The following SVEP1 variants were observed in gnomAD, a reference collection of about 807,000 sequenced individuals.
The protein encoded by SVEP1 is sushi, von Willebrand factor type A, EGF and pentraxin domain-containing protein 1.
In SVEP1, 164 loss-of-function variants were observed where a neutral mutation model predicts 367.3. That is an observed-to-expected ratio of 0.45 (90% confidence interval 0.39 to 0.51). SVEP1 has a LOEUF of 0.51. Ranked by LOEUF, SVEP1 falls within the 20% of genes least tolerant of loss-of-function variation. The pLI is 0.00. For missense variants in SVEP1, 4,117 were observed against 4,425.3 expected (o/e 0.93, Z 1.98); for synonymous variants, 1,666 against 1,611.6 (o/e 1.03, Z -0.81).
In SVEP1 at chr9:110,538,109, T is replaced by C. The variant is rs138988078; in HGVS notation, c.964+8006A>G. On this transcript the variant is annotated intron_variant, in intron 3 of 47. Transcript: ENST00000374469. ...ACACACTGACTTTGGGGGTTTGTGA[T>C]GCTTCACACCAATAGTCTAATTTTA... 3.6e-3 allele frequency among the ~76,000 whole-genome samples: 549 copies of C among 152,126 alleles called. 5 individuals carry two copies. Among genetic ancestry groups the C allele is most frequent in the African/African-American group, 0.013 (527 of 41,558 alleles).
chr9:110,579,369 T>A lies in SVEP1; in HGVS notation c.175A>T (p.Ser59Cys). The A allele has an allele frequency of 6.4e-7, 1 of 1,554,240 alleles. No individual in the cohort carries two copies. The highest frequency in any genetic ancestry group is 8.7e-7 in the Non-Finnish European group (1 of 1,150,130). Residue 59 changes from serine (S) to cysteine (C), a missense_variant, in exon 1 of 48, where the codon AGC becomes TGC. Ser to Cys is a moderately radical substitution (Grantham distance 112). Coordinates refer to ENST00000374469, the MANE Select transcript of SVEP1 (RefSeq NM_153366.4). This position sits in a 1 kb window ranked among gnomAD's most constrained non-coding sequence, Gnocchi z 5.3. ...PPAPGDEAAG[S>C]RVERLGQAFR... ...GCCTGGCCCAGCCGCTCCACTCTGC[T>A]CCCCGCCGCTTCGTCGCCAGGAGCG...
At chr9:110,372,042 C>T (rs1437440645) in intron 46 of SVEP1, among the ~76,000 whole-genome samples, 1 of 152,170 alleles carries the variant, frequency 6.6e-6, no homozygotes, top group African/African-American at 2.4e-5. Context: ...TGATCGGATG[C>T]TGCCCATCTT....
chr9:110,579,420 C>G lies in SVEP1; in HGVS notation c.124G>C (p.Ala42Pro). 6.3e-7 allele frequency: 1 copy of G among 1,582,960 alleles called. No homozygotes were observed. Among genetic ancestry groups the G allele is most frequent in the East Asian group, 2.3e-5 (1 of 43,154 alleles). Residue 42 changes from alanine (A) to proline (P), a missense_variant, in exon 1 of 48, where the codon GCC (alanine) becomes CCC (proline). Ala to Pro is a conservative substitution (Grantham distance 27, BLOSUM62 -1). This residue lies in a region of SVEP1 where 161 missense variants were observed against 122.4 expected (regional missense o/e 1.32). Transcript: ENST00000374469. This position sits in a 1 kb window ranked among gnomAD's most constrained non-coding sequence, Gnocchi z 5.3. ...FRLFPETAPG[A>P]PGSIPAPPAP... ...GGCGGCGCGGGGATACTCCCGGGGGCCCCGGGCGCGGTCTCGGGGAAGAGG... is the reference window on the plus strand; with the variant it reads ...GGCGGCGCGGGGATACTCCCGGGGGGCCCGGGCGCGGTCTCGGGGAAGAGG...
chr9:110,494,442 C>A (rs771214588), intron 8 of SVEP1, among the ~76,000 whole-genome samples: 1 of 152,172 alleles, frequency 6.6e-6, no homozygotes, highest in African/African-American at 2.4e-5. Context: ...ATGGAAAGAA[C>A]TATTGGTATA....
At position 110,448,129 on chromosome 9, in the gene SVEP1, A is replaced by ATGTG. The variant is rs143871165; in HGVS notation, c.4104-1076_4104-1073dup. Among the ~76,000 whole-genome samples the ATGTG allele has an allele frequency of 5.9e-3, 840 of 142,948 alleles. 11 individuals carry two copies. The highest frequency in any genetic ancestry group is 0.036 in the South Asian group (159 of 4,472). 93.8% of individuals were successfully genotyped at this position (142,948 alleles called of 152,430 possible). A position where few individuals can be genotyped will look rare whatever the true frequency, so the allele number is the denominator to read the frequency against. The stretch of plus-strand genomic sequence containing the variant: ...GATTACTGCTGGGGGAAGAAAGTGA[A>ATGTG]TGTGTGTGTGTGTGTGTGTGCGCGT... On this transcript the variant is annotated intron_variant, in intron 24 of 47. Coordinates refer to ENST00000374469, the MANE Select transcript of SVEP1 (RefSeq NM_153366.4).
chr9:110,489,410 G>A lies in SVEP1; in HGVS notation c.1930+240C>T, dbSNP rs1265731474. On this transcript the variant is annotated intron_variant, in intron 9 of 47. Coordinates refer to ENST00000374469, the MANE Select transcript of SVEP1 (RefSeq NM_153366.4). ...CCTCACAATCACGGCAGAAAGCAAA[G>A]AAGGAGCAAAGCCACGTCTTACATG... is the stretch of plus-strand genomic sequence containing the variant. Among the ~76,000 whole-genome samples the A allele has an allele frequency of 2.0e-5, 3 of 152,172 alleles. No individual in the cohort carries two copies. The South Asian group carries it at 6.2e-4, about 32-fold the overall frequency.
In SVEP1 at chr9:110,573,566, AT is replaced by A. The variant is rs202223190; in HGVS notation, c.531+5446del. 1.5e-3 allele frequency among the ~76,000 whole-genome samples: 225 copies of A among 148,410 alleles called. 1 individual carries two copies. The highest frequency in any genetic ancestry group is 4.6e-3 in the African/African-American group (187 of 40,534). ...AATTCAGGAACAATGAGGAAAGCAG[AT>A]TTTTTTTTTTTCAAAGGAAGCTTCA... On this transcript the variant is annotated intron_variant, in intron 1 of 47. Transcript: ENST00000374469.
At chr9:110,482,260 A>G (rs1829203022) in intron 11 of SVEP1, 101 bp downstream of exon 11, 1 of 1,294,828 alleles carries the variant, frequency 7.7e-7, no homozygotes, top group Non-Finnish European at 1.0e-6. Flanking sequence ...AACTGTAAAA[A>G]TCTAATGCTC....
At chr9:110,423,235 C>T (rs1397216857) in intron 36 of SVEP1, among the ~76,000 whole-genome samples, 1 of 133,150 alleles carries the variant, frequency 7.5e-6, no homozygotes, top group Non-Finnish European at 1.6e-5. Flanking sequence ...AGCTAAACTA[C>T]AATTCAAGAG....
Position 110,432,130 on chromosome 9 carries a change from T to C in SVEP1, c.5234-96A>G, listed in dbSNP as rs558259663. ...TTTTAAATCATTACATATCACGTAA[T>C]GCACAACACTTCATATATTTGTATA... On this transcript the variant is annotated intron_variant, in intron 31 of 47. Coordinates refer to ENST00000374469, the MANE Select transcript of SVEP1 (RefSeq NM_153366.4). 1.6e-5 allele frequency: 21 copies of C among 1,282,462 alleles called. No homozygotes were observed. In the South Asian group the frequency reaches 2.5e-4, roughly 15 times the overall value. The allele number at this position is 1,282,462 out of a possible 1,614,324, so 79.4% of individuals were successfully genotyped here. A position where few individuals can be genotyped will look rare whatever the true frequency, so the allele number is the denominator to read the frequency against.
chr9:110,368,183 G>A (rs1236341191), intron 47 of SVEP1, among the ~76,000 whole-genome samples: 2 of 152,178 alleles, frequency 1.3e-5, no homozygotes, highest in African/African-American at 2.4e-5. Context: ...GTGGTGACAT[G>A]GGAGGTGGAG....
intron 47 of SVEP1, among the ~76,000 whole-genome samples, chr9:110,367,695 A>C (rs992004895): frequency 6.6e-6 from 1 of 152,162 alleles, no homozygotes; most frequent in African/African-American, 2.4e-5. Context: ...CCATTGAATC[A>C]ATCTGGACCA....
At position 110,466,146 on chromosome 9, in the gene SVEP1, A is replaced by G. The variant is rs1032196967; in HGVS notation, c.3161-120T>C. On this transcript the variant is annotated intron_variant, in intron 17 of 47. Transcript: ENST00000374469. ...GACAGAAGGACAGAATGAGGGACCCAGAGAGCTCTTTCTCCTGTTAGCTAA... is the reference window on the plus strand; with the variant it reads ...GACAGAAGGACAGAATGAGGGACCCGGAGAGCTCTTTCTCCTGTTAGCTAA... 11 of 1,052,662 alleles carry G rather than the reference A, an allele frequency of 1.0e-5. No homozygotes were observed. The Admixed American group carries it at 3.1e-4, about 30-fold the overall frequency. The allele number at this position is 1,052,662 out of a possible 1,614,324, so 65.2% of individuals were successfully genotyped here.
rs1828817423 is a variant in SVEP1 at position 110,458,988 on chromosome 9, G to C, written c.3448C>G (p.Pro1150Ala). The change falls in exon 19 of 48, where the codon CCA becomes GCA. Residue 1150 changes from proline (P) to alanine (A), a missense_variant. Pro to Ala is a conservative substitution (Grantham distance 27). Transcript: ENST00000374469. ...GTGATGGATCTGGAACCAGCGAATG[G>C]GGTAGTTCCATAAAAGGGACAGGCC... ...CLACPFYGTT[P>A]FAGSRSITEC... The C allele has an allele frequency of 6.2e-7, 1 of 1,613,754 alleles. No individual in the cohort carries two copies.
At chr9:110,424,754 A>C (rs1468230646) in intron 36 of SVEP1, among the ~76,000 whole-genome samples, 1 of 152,172 alleles carries the variant, frequency 6.6e-6, no homozygotes, top group African/African-American at 2.4e-5. Flanking sequence ...AGCTCACTGC[A>C]ACCTCCGCCT....
chr9:110,374,467 T>C (rs1827320373), intron 46 of SVEP1, among the ~76,000 whole-genome samples: 1 of 152,082 alleles, frequency 6.6e-6, no homozygotes, highest in African/African-American at 2.4e-5. Context: ...CTGGCCAACA[T>C]GGTGAAACTC....
chr9:110,496,734 A>G, intron 8 of SVEP1, 81 bp downstream of exon 8: 1 of 977,684 alleles, frequency 1.0e-6, no homozygotes. Context: ...CCATGAGCAT[A>G]TTAGTAAGTC....
chr9:110,566,883 T>C (rs990032721), intron 1 of SVEP1, among the ~76,000 whole-genome samples: 1 of 151,892 alleles, frequency 6.6e-6, no homozygotes, highest in Non-Finnish European at 1.5e-5. Flanking sequence ...GTTTACCTCT[T>C]TGATCACAAT....
At chr9:110,546,023 A>G in intron 3 of SVEP1, 92 bp downstream of exon 3, 1 of 1,419,242 alleles carries the variant, frequency 7.0e-7, no homozygotes, top group Non-Finnish European at 9.6e-7. Flanking sequence ...ACTAATGAGC[A>G]ATAACAAGCA....
Sources: gnomAD v4.1 joint callset for allele counts (sites outside exome capture counted in the v4.1 genomes callset) on GRCh38, gnomAD v4.1.1 for gene constraint, gnomAD v4.1.1 regional missense constraint, Gnocchi (gnomAD v3.1) non-coding constraint, MANE v1.5 for transcripts, NCBI Gene and HGNC (gene_info 2026-07-23, HGNC 2026-07-21) for gene names.